TRIM71: variants seen among roughly 807,000 people sequenced by gnomAD.
TRIM71 encodes tripartite motif containing 71.
A neutral mutation model predicts 61.2 loss-of-function variants in TRIM71; 9 were observed. The ratio of observed to expected loss-of-function variants is 0.15; its 90% CI spans 0.09 to 0.26. The LOEUF is 0.26. Ranked by LOEUF, TRIM71 falls within the 10% of genes least tolerant of loss-of-function variation. TRIM71 has a pLI of 1.00. For synonymous variants in TRIM71, 645 were observed against 553.2 expected (o/e 1.17, Z -2.33); for missense variants, 998 against 1,238.7 (o/e 0.81, Z 2.92).
intron 1 of TRIM71, among the ~76,000 whole-genome samples, chr3:32,829,922 ATTTTT>A (rs11327826): frequency 1.8e-5 from 2 of 109,542 alleles, no homozygotes; most frequent in East Asian, 2.6e-4. Flanking sequence ...TACTGCCTGA[ATTTTT>A]TTTTTTTTTT....
At chr3:32,865,791 GGCCCCC>G (rs1276573765) in intron 1 of TRIM71, among the ~76,000 whole-genome samples, 7 of 50,356 alleles carry the variant, frequency 1.4e-4, no homozygotes, top group African/African-American at 5.1e-4. Flanking sequence ...GCCGCCCGCC[GGCCCCC>G]CCCCCCCCCC....
At chr3:32,883,433 A>T (rs1447501811) in intron 2 of TRIM71, among the ~76,000 whole-genome samples, 3 of 152,172 alleles carry the variant, frequency 2.0e-5, no homozygotes. Context: ...TGCTTTCCTC[A>T]TCCTGGCTTT....
At position 32,832,108 on chromosome 3, in the gene TRIM71, G is replaced by GA. The variant is rs544477731; in HGVS notation, c.852+13177dup. ...GAAAAGGTGAATTGTGGTGGGGGGG[G>GA]ATTCTCTACTTCCCTATATGGCCAC... On this transcript the variant is annotated intron_variant, in intron 1 of 3. Coordinates refer to ENST00000383763, the MANE Select transcript of TRIM71 (RefSeq NM_001039111.3). Among the ~76,000 whole-genome samples, 1,106 of 152,168 alleles carry GA rather than the reference G, an allele frequency of 7.3e-3. 22 individuals carry two copies. Among genetic ancestry groups the GA allele is most frequent in the African/African-American group, 0.025 (1,039 of 41,516 alleles).
chr3:32,831,488 C>T (rs1466227023), intron 1 of TRIM71, among the ~76,000 whole-genome samples: 1 of 151,038 alleles, frequency 6.6e-6, no homozygotes, highest in African/African-American at 2.4e-5. Flanking sequence ...AAGTTGCAGC[C>T]AAACAGCTAG....
chr3:32,822,756 TTCTC>T (rs1417829446), intron 1 of TRIM71, among the ~76,000 whole-genome samples: 1 of 152,208 alleles, frequency 6.6e-6, no homozygotes, highest in Non-Finnish European at 1.5e-5. Context: ...GTCGAAGTAA[TTCTC>T]TTTTTAAGGG....
At position 32,890,543 on chromosome 3, in the gene TRIM71, G is replaced by A. The variant is rs192447957; in HGVS notation, c.1339G>A (p.Val447Met). 225 of 1,614,016 alleles carry A rather than the reference G, an allele frequency of 1.4e-4. 2 individuals are homozygous for A. In the East Asian group the frequency reaches 2.3e-3, roughly 17 times the overall value. Residue 447 changes from valine (V) to methionine (M), a missense_variant, in exon 4 of 4, where the codon GTG becomes ATG. By Grantham distance (21) the Val-to-Met change is conservative (BLOSUM62 1). Coordinates refer to ENST00000383763, the MANE Select transcript of TRIM71 (RefSeq NM_001039111.3). The surrounding 1 kb of genome is among the most constrained non-coding windows in gnomAD (Gnocchi z 6.2). ...GGCCCAGGTGCAGGAGCTGAAGACC[G>A]TGCGGAGCCTCCTGCAGCCCCAGGA... ...MLAQVQELKT[V>M]RSLLQPQEDD...
chr3:32,829,185 CTTT>C (rs71630549), intron 1 of TRIM71, among the ~76,000 whole-genome samples: 9 of 129,770 alleles, frequency 6.9e-5, no homozygotes, highest in Admixed American at 8.1e-5. Context: ...TTTTTCTTTT[CTTT>C]TTTTTTTTTT....
intron 1 of TRIM71, among the ~76,000 whole-genome samples, chr3:32,831,601 C>T (rs897264454): frequency 2.8e-5 from 4 of 144,476 alleles, no homozygotes; most frequent in Admixed American, 7.2e-5. Flanking sequence ...TACAATGGCG[C>T]GATCTCGGCT....
intron 1 of TRIM71, among the ~76,000 whole-genome samples, chr3:32,859,965 G>GTA (rs1696647883): frequency 6.6e-6 from 1 of 152,060 alleles, no homozygotes; most frequent in South Asian, 2.1e-4. Flanking sequence ...ACCACCTAAG[G>GTA]AATCCAGCTT....
intron 3 of TRIM71, among the ~76,000 whole-genome samples, chr3:32,888,434 C>CAAAAAAA (rs56834147): frequency 3.1e-5 from 3 of 95,858 alleles, no homozygotes; most frequent in African/African-American, 1.3e-4. Flanking sequence ...CCATCTCTAC[C>CAAAAAAA]AAAAAAAAAA....
intron 1 of TRIM71, among the ~76,000 whole-genome samples, chr3:32,826,966 G>A (rs911104544): frequency 6.6e-6 from 1 of 151,498 alleles, no homozygotes; most frequent in African/African-American, 2.4e-5. Context: ...GGGTTTCACT[G>A]TGTTAGCCAG....
chr3:32,891,553 T>C lies in TRIM71; in HGVS notation c.2349T>C (p.Phe783=). 6.2e-7 allele frequency: 1 copy of C among 1,613,510 alleles called. No individual in the cohort carries two copies. Among genetic ancestry groups the C allele is most frequent in the Non-Finnish European group, 8.5e-7 (1 of 1,179,674 alleles). Residue 783 remains phenylalanine (F), a synonymous_variant, in exon 4 of 4, where the codon TTT becomes TTC. Transcript: ENST00000383763. This position sits in a 1 kb window ranked among gnomAD's most constrained non-coding sequence, Gnocchi z 8.2. ...VIHPDCQSAR[F]LGSEGTGNGQ... The stretch of plus-strand genomic sequence containing the variant: ...ACCCCGACTGCCAGTCGGCACGCTT[T>C]CTGGGCTCGGAGGGCACAGGCAATG...
intron 1 of TRIM71, among the ~76,000 whole-genome samples, chr3:32,867,510 C>T (rs902822787): frequency 3.9e-5 from 6 of 151,982 alleles, no homozygotes; most frequent in African/African-American, 1.5e-4. Context: ...TGGAGTGCGG[C>T]GGTGCGATCA....
In TRIM71 at chr3:32,896,220, G is replaced by A. The variant is rs1697076198; in HGVS notation, c.*4409G>A. ...GAATGTCTGCAAATAATACCCTTTAGGAGCAATTCTAAAGGTCTAGATCTT... is the reference window on the plus strand; with the variant it reads ...GAATGTCTGCAAATAATACCCTTTAAGAGCAATTCTAAAGGTCTAGATCTT... On this transcript the variant is annotated 3_prime_UTR_variant, in exon 4 of 4. Coordinates refer to ENST00000383763, the MANE Select transcript of TRIM71 (RefSeq NM_001039111.3). 1 of 152,070 alleles carries A rather than the reference G, an allele frequency of 6.6e-6. No homozygotes were observed. Among genetic ancestry groups the A allele is most frequent in the South Asian group, 2.1e-4 (1 of 4,820 alleles). The allele number at this position is 152,070 out of a possible 1,614,324, so 9.4% of individuals were successfully genotyped here.
chr3:32,823,605 G>T (rs776508804), intron 1 of TRIM71, among the ~76,000 whole-genome samples: 9 of 151,694 alleles, frequency 5.9e-5, no homozygotes, highest in Non-Finnish European at 1.0e-4. Context: ...TTCTTCATTT[G>T]ACAACGGTAT....
chr3:32,841,170 G>A (rs1196001921), intron 1 of TRIM71, among the ~76,000 whole-genome samples: 19 of 151,996 alleles, frequency 1.3e-4, no homozygotes, highest in Admixed American at 3.3e-4. Flanking sequence ...GCATAAACCC[G>A]GGAGGCGGAG....
intron 2 of TRIM71, 125 bp downstream of exon 2, chr3:32,874,110 G>T: frequency 1.0e-6 from 1 of 989,954 alleles, no homozygotes; most frequent in Non-Finnish European, 1.5e-6. Flanking sequence ...AATGAGCTCA[G>T]GTGACATCCC....
chr3:32,887,812 C>A (rs1310068343), intron 3 of TRIM71, among the ~76,000 whole-genome samples: 1 of 152,116 alleles, frequency 6.6e-6, no homozygotes, highest in Non-Finnish European at 1.5e-5. Context: ...ACACATGTAT[C>A]CTGGTTCACT....
At chr3:32,819,300 C>T (rs1461228679) in intron 1 of TRIM71, among the ~76,000 whole-genome samples, 1 of 152,090 alleles carries the variant, frequency 6.6e-6, no homozygotes, top group Non-Finnish European at 1.5e-5. Flanking sequence ...ACACCAGAGG[C>T]CTCCCAACGT....
Sources: allele counts gnomAD v4.1 joint callset (sites outside exome capture counted in the v4.1 genomes callset), GRCh38; gene constraint gnomAD v4.1.1; non-coding constraint Gnocchi (gnomAD v3.1); transcripts MANE v1.5; gene names NCBI Gene and HGNC (gene_info 2026-07-23, HGNC 2026-07-21).